SSH2: variants seen among roughly 807,000 people sequenced by gnomAD.
SSH2 encodes slingshot protein phosphatase 2.
Under a neutral mutation model 135.2 loss-of-function variants are expected in SSH2, and 37 were observed. The observed-to-expected ratio is 0.27, with a 90% CI of 0.21 to 0.36. The LOEUF (loss-of-function observed/expected upper bound fraction) is 0.36, where lower values mean the gene tolerates loss of function less well. Among genes scored for constraint, SSH2 ranks in the 10% least tolerant of loss-of-function variants. The probability of loss-of-function intolerance (pLI) is 1.00; values close to 1 mark genes in which losing one functional copy is unlikely to be tolerated. For synonymous variants in SSH2, 628 were observed against 646.2 expected (o/e 0.97, Z 0.43); for missense variants, 1,408 against 1,765.3 (o/e 0.80, Z 3.63).
At chr17:29,760,157 C>T (rs1217570827) in intron 3 of SSH2, among the ~76,000 whole-genome samples, 1 of 152,198 alleles carries the variant, frequency 6.6e-6, no homozygotes, top group Admixed American at 6.5e-5. Flanking sequence ...GTGAGATTAT[C>T]TAGAAATCAC....
chr17:29,766,100 TC>T (rs1598964746), intron 3 of SSH2, among the ~76,000 whole-genome samples: 1 of 151,128 alleles, frequency 6.6e-6, no homozygotes, highest in Non-Finnish European at 1.5e-5. Context: ...ATTATTATCA[TC>T]ATCATCATCC....
chr17:29,630,727 A>G lies in SSH2; in HGVS notation c.*114T>C, dbSNP rs1404855714. On this transcript the variant is annotated 3_prime_UTR_variant, in exon 16 of 16. Coordinates refer to ENST00000540801, the MANE Select transcript of SSH2 (RefSeq NM_001282129.2). ...CCCAAACCCTGCATGCACCAGAAAC[A>G]GTAAAATGACCAAAATATTATAAAA... The G allele has an allele frequency of 1.7e-6, 2 of 1,175,464 alleles. No homozygotes were observed. The highest frequency in any genetic ancestry group is 1.6e-5 in the South Asian group (1 of 61,276). 72.8% of individuals were successfully genotyped at this position (1,175,464 alleles called of 1,614,324 possible).
chr17:29,760,371 C>G (rs2041252159), intron 3 of SSH2, among the ~76,000 whole-genome samples: 1 of 152,150 alleles, frequency 6.6e-6, no homozygotes, highest in Non-Finnish European at 1.5e-5. Context: ...TCTAAGTAAC[C>G]TTAAACCACT....
chr17:29,740,974 T>G (rs1340338893), intron 3 of SSH2, among the ~76,000 whole-genome samples: 1 of 152,204 alleles, frequency 6.6e-6, no homozygotes, highest in Non-Finnish European at 1.5e-5. Context: ...ACTACCCATA[T>G]GCTCAAAAAC....
At chr17:29,746,270 G>A (rs986496598) in intron 3 of SSH2, among the ~76,000 whole-genome samples, 1 of 152,082 alleles carries the variant, frequency 6.6e-6, no homozygotes, top group African/African-American at 2.4e-5. Flanking sequence ...ATGAGGCCAG[G>A]TGCAATGTCT....
chr17:29,844,618 C>T (rs2043100160), intron 2 of SSH2, among the ~76,000 whole-genome samples: 1 of 152,248 alleles, frequency 6.6e-6, no homozygotes, highest in South Asian at 2.1e-4. Flanking sequence ...CAGCTAAAGC[C>T]AGTATCTTCT....
chr17:29,909,138 C>A (rs1017775541), intron 1 of SSH2, among the ~76,000 whole-genome samples: 1 of 152,152 alleles, frequency 6.6e-6, no homozygotes, highest in Admixed American at 6.6e-5. Context: ...AAAAACTATA[C>A]TCTATCCTAC....
At chr17:29,761,585 C>T (rs1287346355) in intron 3 of SSH2, among the ~76,000 whole-genome samples, 2 of 152,124 alleles carry the variant, frequency 1.3e-5, no homozygotes, top group African/African-American at 2.4e-5. Context: ...TTAGGGCATC[C>T]GGCGGCCCCA....
chr17:29,752,908 A>G (rs910522444), intron 3 of SSH2, among the ~76,000 whole-genome samples: 6 of 151,826 alleles, frequency 4.0e-5, no homozygotes, highest in Non-Finnish European at 7.4e-5. Context: ...AATAAGGGGA[A>G]TTGTAAATAG....
chr17:29,783,318 T>TTATATATA (rs372884691), intron 3 of SSH2, among the ~76,000 whole-genome samples: 155 of 142,112 alleles, frequency 1.1e-3, no homozygotes, highest in Middle Eastern at 7.4e-3. Flanking sequence ...ATAACATATA[T>TTATATATA]TATATATATA....
At chr17:29,844,647 A>G (rs746609322) in intron 2 of SSH2, among the ~76,000 whole-genome samples, 2 of 152,218 alleles carry the variant, frequency 1.3e-5, no homozygotes, top group South Asian at 2.1e-4. Flanking sequence ...GACTTCTTCC[A>G]GTCACACTGT....
intron 1 of SSH2, chr17:29,925,563 G>GA (rs1273656858): frequency 7.5e-6 from 3 of 397,836 alleles, no homozygotes; most frequent in African/African-American, 2.1e-5. Context: ...TCTCTACAAA[G>GA]AAAAAAAATT....
intron 5 of SSH2, among the ~76,000 whole-genome samples, chr17:29,687,181 G>T (rs1209653661): frequency 6.6e-6 from 1 of 152,074 alleles, no homozygotes; most frequent in African/African-American, 2.4e-5. Context: ...AAAATGGCCA[G>T]GCCAAGGGAA....
intron 6 of SSH2, 60 bp downstream of exon 6, chr17:29,684,503 A>T (rs2038126490): frequency 8.0e-6 from 11 of 1,368,474 alleles, no homozygotes; most frequent in Non-Finnish European, 8.8e-6. Flanking sequence ...AAAAAAAAAA[A>T]GCAACTGGAA....
At chr17:29,924,574 A>G (rs909184130) in intron 1 of SSH2, among the ~76,000 whole-genome samples, 1 of 152,140 alleles carries the variant, frequency 6.6e-6, no homozygotes, top group African/African-American at 2.4e-5. Flanking sequence ...CTAGAGGGCT[A>G]TCTGTCCCTA....
chr17:29,881,167 A>G (rs1337233270), intron 1 of SSH2, among the ~76,000 whole-genome samples: 1 of 152,268 alleles, frequency 6.6e-6, no homozygotes, highest in Non-Finnish European at 1.5e-5. Context: ...CAATTATCAC[A>G]AATGAAATGT....
intron 1 of SSH2, among the ~76,000 whole-genome samples, chr17:29,913,032 C>T (rs1177779009): frequency 6.6e-6 from 1 of 151,300 alleles, no homozygotes; most frequent in Admixed American, 6.6e-5. Context: ...AAAAAAAAAT[C>T]TCCAGCCAGG....
intron 1 of SSH2, among the ~76,000 whole-genome samples, chr17:29,918,397 G>A (rs2151482904): frequency 6.6e-6 from 1 of 152,218 alleles, no homozygotes; most frequent in South Asian, 2.1e-4. Flanking sequence ...ACTTCCAATG[G>A]TTATTGTGAT....
chr17:29,631,758 T>A lies in SSH2; in HGVS notation c.3436A>T (p.Ser1146Cys). 6.2e-7 allele frequency: 1 copy of A among 1,614,234 alleles called. No homozygotes were observed. The highest frequency in any genetic ancestry group is 8.5e-7 in the Non-Finnish European group (1 of 1,180,044). ...TALETAAPFV[S>C]HTTHLLSASL... The stretch of plus-strand genomic sequence containing the variant: ...GCAGACAGTAAATGGGTTGTATGAC[T>A]GACAAAAGGTGCTGCTGTCTCCAGG... The change falls in exon 16 of 16, where the codon AGT becomes TGT. Residue 1146 changes from serine to cysteine, a missense_variant. By Grantham distance (112) the Ser-to-Cys change is moderately radical. Around this residue, in one of 3 missense-constraint regions of SSH2, gnomAD observed 1,080 missense variants for 1,144.5 expected, o/e 0.94. Transcript: ENST00000540801.
Sources: gnomAD v4.1 joint callset for allele counts (sites outside exome capture counted in the v4.1 genomes callset) on GRCh38, gnomAD v4.1.1 for gene constraint, gnomAD v4.1.1 regional missense constraint, MANE v1.5 for transcripts, NCBI Gene and HGNC (gene_info 2026-07-23, HGNC 2026-07-21) for gene names.